Variants in GNB1 observed in about 807,000 individuals in gnomAD.
The protein encoded by GNB1 is G protein subunit beta 1, also known as guanine nucleotide-binding protein G(I)/G(S)/G(T) subunit beta-1.
In GNB1, 2 loss-of-function variants were observed where a neutral mutation model predicts 42.9. That is an observed-to-expected ratio of 0.05 (90% CI 0.02 to 0.15). The LOEUF is 0.15. GNB1 is among the 10% of genes least tolerant of loss of function. The pLI, the probability that GNB1 is intolerant of heterozygous loss-of-function variation, is 1.00. For missense variants in GNB1, 193 were observed against 462.2 expected, an observed-to-expected ratio of 0.42 and a Z score of 5.34; for synonymous variants, 183 against 174.7, an observed-to-expected ratio of 1.05 and a Z score of -0.38.
intron 1 of GNB1, among the ~76,000 whole-genome samples, chr1:1,851,201 G>A (rs545838268): frequency 2.0e-5 from 3 of 151,892 alleles, no homozygotes; most frequent in East Asian, 1.9e-4. Flanking sequence ...ACCTGAGGTC[G>A]GGAGTTTGAG....
chr1:1,880,965 G>C (rs1649812270), intron 1 of GNB1, among the ~76,000 whole-genome samples: 1 of 152,052 alleles, frequency 6.6e-6, no homozygotes, highest in African/African-American at 2.4e-5. Context: ...TGAGATCAGA[G>C]CACACCCTCG....
chr1:1,866,028 T>G (rs1366363835), intron 1 of GNB1, among the ~76,000 whole-genome samples: 1 of 151,988 alleles, frequency 6.6e-6, no homozygotes, highest in Non-Finnish European at 1.5e-5. Context: ...AACTTCCGCC[T>G]CCGAGGTTCA....
intron 1 of GNB1, among the ~76,000 whole-genome samples, chr1:1,868,943 GGGAGGCTGAGGT>G (rs1166403523): frequency 5.3e-5 from 8 of 151,594 alleles, no homozygotes; most frequent in Non-Finnish European, 1.0e-4. Context: ...CCAACACTTT[GGGAGGCTGAGGT>G]GGACGGACCA....
chr1:1,864,714 CTG>C (rs1648827395), intron 1 of GNB1, among the ~76,000 whole-genome samples: 1 of 152,190 alleles, frequency 6.6e-6, no homozygotes, highest in South Asian at 2.1e-4. Flanking sequence ...AGTTTGTACT[CTG>C]AGTAAAATTC....
chr1:1,869,941 C>A (rs1368295033), intron 1 of GNB1, among the ~76,000 whole-genome samples: 1 of 152,266 alleles, frequency 6.6e-6, no homozygotes, highest in East Asian at 1.9e-4. Flanking sequence ...AGGCTCACTG[C>A]AACCTCCACC....
At chr1:1,788,935 C>G in intron 10 of GNB1, 118 bp downstream of exon 10, 1 of 731,674 alleles carries the variant, frequency 1.4e-6, no homozygotes, top group Non-Finnish European at 2.3e-6. Context: ...ACTCCTGCTA[C>G]GCCATGCCAC....
chr1:1,809,430 C>T (rs904204401), intron 5 of GNB1, among the ~76,000 whole-genome samples: 9 of 152,294 alleles, frequency 5.9e-5, no homozygotes, highest in Non-Finnish European at 1.2e-4. Context: ...GGATTACAGG[C>T]GTAAGCCACC....
chr1:1,816,373 T>G (rs1417541154), intron 4 of GNB1, among the ~76,000 whole-genome samples: 3 of 152,166 alleles, frequency 2.0e-5, no homozygotes, highest in African/African-American at 2.4e-5. Context: ...ATATAGACAC[T>G]GATGTTAATG....
intron 3 of GNB1, among the ~76,000 whole-genome samples, chr1:1,820,082 C>A (rs143607695): frequency 1.3e-5 from 2 of 152,018 alleles, no homozygotes; most frequent in Admixed American, 1.3e-4. Context: ...ATTGGTCAGG[C>A]GCAGTGGCTC....
At chr1:1,890,460 C>G (rs1650428758) in intron 1 of GNB1, 1 of 149,246 alleles carries the variant, frequency 6.7e-6, no homozygotes, top group African/African-American at 2.4e-5. Flanking sequence ...CCGAGAGCCA[C>G]GTCCGGCTCC....
At chr1:1,872,803 C>T (rs1649321090) in intron 1 of GNB1, among the ~76,000 whole-genome samples, 1 of 152,210 alleles carries the variant, frequency 6.6e-6, no homozygotes, top group South Asian at 2.1e-4. Context: ...AATGAACCAC[C>T]AGTTGCAACT....
chr1:1,883,754 T>C (rs1649986178), intron 1 of GNB1, among the ~76,000 whole-genome samples: 1 of 152,200 alleles, frequency 6.6e-6, no homozygotes, highest in African/African-American at 2.4e-5. Context: ...ATCTTGATTT[T>C]CAGTGCGAAT....
rs1289574623 is a variant in GNB1 at position 1,804,430 on chromosome 1, G to A, written c.419C>T (p.Ala140Val). Residue 140 changes from alanine (A) to valine (V), a missense_variant, in exon 7 of 12, where the codon GCA becomes GTA. This residue lies in a region of GNB1 where 150 missense variants were observed against 410.8 expected (regional missense o/e 0.37). Transcript: ENST00000378609. ...EGNVRVSRELAGHTGYLSCCR... is the reference protein window; with the variant it reads ...EGNVRVSRELVGHTGYLSCCR... ...ACAAGGACAGGTACCTGTGTGTCCT[G>A]CCAGCTCACGACTCACGCGCACGTT... is the stretch of plus-strand genomic sequence containing the variant. 1 of 1,613,164 alleles carries A rather than the reference G, an allele frequency of 6.2e-7. No individual in the cohort carries two copies. Among genetic ancestry groups the A allele is most frequent in the Non-Finnish European group, 8.5e-7 (1 of 1,179,184 alleles).
Position 1,790,623 on chromosome 1 carries a change from A to T in GNB1, c.498-27T>A, listed in dbSNP as rs759481718. On this transcript the variant is annotated intron_variant, in intron 8 of 11. Transcript: ENST00000378609. The surrounding 1 kb of genome is among the most constrained non-coding windows in gnomAD (Gnocchi z 5.4). ...TGGAGCAGGAGCGAATGACAAGGGG[A>T]CATCAGCCTTAACTTCTTGGGTGGC... The T allele has an allele frequency of 7.7e-6, 12 of 1,553,004 alleles. No individual in the cohort carries two copies. In the East Asian group the frequency reaches 2.7e-4, roughly 35 times the overall value.
chr1:1,803,701 A>C (rs1168452997), intron 7 of GNB1, among the ~76,000 whole-genome samples: 1 of 152,154 alleles, frequency 6.6e-6, no homozygotes, highest in Non-Finnish European at 1.5e-5. Context: ...ATGATTCATA[A>C]GGCCGGGCGC....
chr1:1,809,697 A>G (rs1646749103), intron 5 of GNB1, among the ~76,000 whole-genome samples: 1 of 152,160 alleles, frequency 6.6e-6, no homozygotes, highest in African/African-American at 2.4e-5. Context: ...CAGAGGGATT[A>G]GGGACACGTA....
At chr1:1,813,915 A>T (rs1646815580) in intron 5 of GNB1, among the ~76,000 whole-genome samples, 1 of 152,238 alleles carries the variant, frequency 6.6e-6, no homozygotes, top group East Asian at 1.9e-4. Flanking sequence ...TAATCAACAT[A>T]CCCATCACTT....
intron 1 of GNB1, among the ~76,000 whole-genome samples, chr1:1,877,454 TTA>T (rs1649612689): frequency 6.6e-6 from 1 of 151,624 alleles, no homozygotes; most frequent in African/African-American, 2.4e-5. Flanking sequence ...GATTGAGAGA[TTA>T]TAGATTTTTG....
chr1:1,825,150 A>G, intron 3 of GNB1: 1 of 411,088 alleles, frequency 2.4e-6, no homozygotes, highest in Non-Finnish European at 4.4e-6. Flanking sequence ...TGCAAAAGAC[A>G]CTTATAAATT....
Sources: allele counts gnomAD v4.1 joint callset (sites outside exome capture counted in the v4.1 genomes callset), GRCh38; gene constraint gnomAD v4.1.1; regional missense constraint gnomAD v4.1.1; non-coding constraint Gnocchi (gnomAD v3.1); transcripts MANE v1.5; gene names NCBI Gene and HGNC (gene_info 2026-07-23, HGNC 2026-07-21).